Variants in RNF130 observed in about 807,000 individuals in gnomAD.
The protein encoded by RNF130 is E3 ubiquitin-protein ligase RNF130.
In RNF130, 21 loss-of-function variants were observed where a neutral mutation model predicts 44.6. The ratio of observed to expected loss-of-function variants is 0.47; its 90% CI spans 0.33 to 0.68. The LOEUF is 0.68. Ranked by LOEUF, RNF130 falls within the 30% of genes least tolerant of loss-of-function variation. The pLI is 0.02. For synonymous variants in RNF130, 214 were observed against 210.4 expected (o/e 1.02, Z -0.15); for missense variants, 479 against 560.6 (o/e 0.85, Z 1.47).
At chr5:179,988,201 T>A (rs557885439) in intron 3 of RNF130, among the ~76,000 whole-genome samples, 1 of 152,332 alleles carries the variant, frequency 6.6e-6, no homozygotes, top group East Asian at 1.9e-4. Context: ...GTATCCATTT[T>A]CTCTAGGTTT....
At chr5:180,007,328 G>A (rs1763482921) in intron 3 of RNF130, among the ~76,000 whole-genome samples, 1 of 152,176 alleles carries the variant, frequency 6.6e-6, no homozygotes, top group African/African-American at 2.4e-5. Context: ...TTAAGCCGAG[G>A]AGGCAGAGGT....
At chr5:179,941,535 TA>T (rs1275212500) in intron 7 of RNF130, among the ~76,000 whole-genome samples, 2 of 152,064 alleles carry the variant, frequency 1.3e-5, no homozygotes, top group East Asian at 3.9e-4. Context: ...ACAAGCCCAA[TA>T]AGACTGCTTG....
chr5:180,062,309 C>T (rs1438766196), intron 1 of RNF130, among the ~76,000 whole-genome samples: 1 of 152,012 alleles, frequency 6.6e-6, no homozygotes, highest in South Asian at 2.1e-4. Context: ...ATCCACCTGC[C>T]TCTGCCTCCC....
intron 7 of RNF130, among the ~76,000 whole-genome samples, chr5:179,947,981 T>C (rs777502664): frequency 1.3e-5 from 2 of 152,188 alleles, no homozygotes; most frequent in African/African-American, 4.8e-5. Context: ...CCTGAGACTC[T>C]GAATTGCTCT....
At position 180,041,165 on chromosome 5, in the gene RNF130, G is replaced by A. The variant is rs543801027; in HGVS notation, c.248-518C>T. 3.2e-4 allele frequency among the ~76,000 whole-genome samples: 49 copies of A among 152,340 alleles called. 1 individual carries two copies. Among genetic ancestry groups the A allele is most frequent in the African/African-American group, 1.2e-3 (49 of 41,568 alleles). On this transcript the variant is annotated intron_variant, in intron 1 of 8. Transcript: ENST00000521389. ...AGTGATCCTGTTGAAATTCAACCAT[G>A]TTAGAGCAAATTTCTTCATAAATGT...
chr5:179,943,668 A>C (rs771173047), intron 7 of RNF130, among the ~76,000 whole-genome samples: 1 of 152,240 alleles, frequency 6.6e-6, no homozygotes, highest in Non-Finnish European at 1.5e-5. Context: ...CTTACTCAAA[A>C]TCATAAAGCT....
chr5:180,055,469 TGCGCGCGC>T (rs1223926012), intron 1 of RNF130, among the ~76,000 whole-genome samples: 1 of 143,174 alleles, frequency 7.0e-6, no homozygotes, highest in Non-Finnish European at 1.5e-5. Context: ...TGTGTGTGTG[TGCGCGCGC>T]GCACGCGTAT....
At chr5:179,992,623 C>T (rs10479556) in intron 3 of RNF130, among the ~76,000 whole-genome samples, 17,341 of 152,076 alleles carry the variant, frequency 0.11, 2,153 homozygotes, top group African/African-American at 0.32. Context: ...CTTTTTCATA[C>T]TTCCTATAGT....
At chr5:179,997,244 T>C (rs113541882) in intron 3 of RNF130, among the ~76,000 whole-genome samples, 16,867 of 151,632 alleles carry the variant, frequency 0.11, 1,337 homozygotes, top group Non-Finnish European at 0.16. Flanking sequence ...TGGGCTCAAG[T>C]GATTCTTCCA....
chr5:180,069,036 C>T (rs1167980879), intron 1 of RNF130, among the ~76,000 whole-genome samples: 2 of 151,908 alleles, frequency 1.3e-5, no homozygotes, highest in Non-Finnish European at 1.5e-5. Context: ...TGTAAAATAC[C>T]CAAGTATTCC....
intron 3 of RNF130, among the ~76,000 whole-genome samples, chr5:179,998,089 T>C (rs1763244999): frequency 1.3e-5 from 2 of 152,216 alleles, no homozygotes; most frequent in African/African-American, 2.4e-5. Flanking sequence ...ATCCGCCACC[T>C]TGGCCTCCCA....
intron 3 of RNF130, 70 bp downstream of exon 3, chr5:180,012,991 T>C: frequency 2.0e-6 from 3 of 1,502,762 alleles, no homozygotes; most frequent in Non-Finnish European, 2.7e-6. Context: ...GTTAGTAAGA[T>C]GCATGGTCAC....
intron 1 of RNF130, among the ~76,000 whole-genome samples, chr5:180,060,105 G>A (rs749282970): frequency 2.6e-5 from 4 of 152,190 alleles, no homozygotes; most frequent in Non-Finnish European, 5.9e-5. Flanking sequence ...GCTTCTACAA[G>A]CTGAAAAAGG....
chr5:180,028,696 C>T (rs1339989049), intron 2 of RNF130, among the ~76,000 whole-genome samples: 1 of 152,110 alleles, frequency 6.6e-6, no homozygotes, highest in South Asian at 2.1e-4. Flanking sequence ...AACACTCACT[C>T]GTACATCCTT....
At chr5:180,007,670 G>A (rs1269246878) in intron 3 of RNF130, among the ~76,000 whole-genome samples, 1 of 152,202 alleles carries the variant, frequency 6.6e-6, no homozygotes, top group East Asian at 1.9e-4. Context: ...CTGGAGAGAC[G>A]CTTTGGAAGG....
intron 1 of RNF130, among the ~76,000 whole-genome samples, chr5:180,070,818 T>A (rs1765237146): frequency 6.6e-6 from 1 of 152,202 alleles, no homozygotes; most frequent in South Asian, 2.1e-4. Flanking sequence ...TTTTACCTAT[T>A]TCCCTTTTGG....
intron 7 of RNF130, chr5:179,940,094 T>TCCTCAGA (rs1761950910): frequency 5.2e-6 from 1 of 192,142 alleles, no homozygotes; most frequent in South Asian, 1.0e-4. Context: ...TGTTTTAATA[T>TCCTCAGA]CCTCAGACCA....
intron 2 of RNF130, 92 bp downstream of exon 2, chr5:180,040,361 A>G (rs375209390): frequency 8.4e-7 from 1 of 1,194,260 alleles, no homozygotes; most frequent in African/African-American, 1.5e-5. Context: ...TATGTTGGAA[A>G]TTACATGGCT....
At chr5:180,012,861 T>C (rs1179417538) in intron 3 of RNF130, among the ~76,000 whole-genome samples, 200 bp downstream of exon 3, 1 of 152,224 alleles carries the variant, frequency 6.6e-6, no homozygotes, top group African/African-American at 2.4e-5. Flanking sequence ...TTCTAGGTGA[T>C]CACAATAAAT....
Sources: gnomAD v4.1 joint callset for allele counts (sites outside exome capture counted in the v4.1 genomes callset) on GRCh38, gnomAD v4.1.1 for gene constraint, MANE v1.5 for transcripts, NCBI Gene and HGNC (gene_info 2026-07-23, HGNC 2026-07-21) for gene names.